Variants in TBC1D15 observed in about 807,000 individuals in gnomAD.
The protein encoded by TBC1D15 is TBC1 domain family member 15.
TBC1D15 carries 39 observed loss-of-function variants against 95.4 expected under a neutral mutation model. That is an observed-to-expected ratio of 0.41 (90% CI 0.32 to 0.53). The LOEUF is 0.53. Ranked by LOEUF, TBC1D15 falls within the 20% of genes least tolerant of loss-of-function variation. The probability of loss-of-function intolerance (pLI) is 0.29; values close to 1 mark genes in which losing one functional copy is unlikely to be tolerated. For synonymous variants in TBC1D15, 258 were observed against 261.3 expected (o/e 0.99, Z 0.12); for missense variants, 733 against 794.3 (o/e 0.92, Z 0.93).
rs145594427 is a variant in TBC1D15 at position 71,894,842 on chromosome 12, A to G, written c.814A>G (p.Ile272Val). The G allele has an allele frequency of 4.3e-6, 7 of 1,613,088 alleles. No homozygotes were observed. The highest frequency in any genetic ancestry group is 1.1e-5 in the South Asian group (1 of 91,044). ...FLSDAIPGLKINQQEEPGFEV... is the reference protein window; with the variant it reads ...FLSDAIPGLKVNQQEEPGFEV... ...TAGTGATGCTATTCCAGGTCTAAAG[A>G]TAAATCAACAAGAAGAACCAGGATT... The change falls in exon 7 of 17, where the codon ATA becomes GTA. Residue 272 changes from isoleucine (I) to valine (V), a missense_variant. Physicochemically the swap from Ile to Val is conservative, Grantham distance 29. Coordinates refer to ENST00000485960, the MANE Select transcript of TBC1D15 (RefSeq NM_001146213.3).
At chr12:71,892,231 C>T (rs1897308269) in intron 5 of TBC1D15, among the ~76,000 whole-genome samples, 1 of 150,826 alleles carries the variant, frequency 6.6e-6, no homozygotes, top group South Asian at 2.1e-4. Context: ...ATTGTATATG[C>T]AGATCGAGTG....
chr12:71,922,863 A>G, intron 16 of TBC1D15, 120 bp from the exon 17 acceptor site: 5 of 938,924 alleles, frequency 5.3e-6, no homozygotes, highest in Non-Finnish European at 8.2e-6. Context: ...CATGACATTT[A>G]CACTGTTAGG....
chr12:71,910,030 A>G (rs968102354), intron 11 of TBC1D15, among the ~76,000 whole-genome samples: 2 of 152,040 alleles, frequency 1.3e-5, no homozygotes, highest in Non-Finnish European at 2.9e-5. Flanking sequence ...TCTTGAATTA[A>G]TTTTTGTATA....
intron 7 of TBC1D15, 93 bp downstream of exon 7, chr12:71,894,976 C>T (rs1424820012): frequency 1.6e-6 from 2 of 1,221,372 alleles, no homozygotes; most frequent in Non-Finnish European, 2.3e-6. Flanking sequence ...ATATCTGCTT[C>T]TTTCCATAAT....
At chr12:71,921,687 T>C (rs1209708497) in intron 16 of TBC1D15, among the ~76,000 whole-genome samples, 1 of 152,120 alleles carries the variant, frequency 6.6e-6, no homozygotes, top group Non-Finnish European at 1.5e-5. Context: ...GTAATGAAAA[T>C]ATTTCTATAA....
intron 1 of TBC1D15, among the ~76,000 whole-genome samples, chr12:71,853,427 C>T (rs116619458): frequency 0.013 from 2,045 of 152,310 alleles, 29 homozygotes; most frequent in African/African-American, 0.032. Context: ...TCCCAGAGTG[C>T]TGGGATTACA....
intron 1 of TBC1D15, chr12:71,849,861 C>G (rs942027416): frequency 7.0e-6 from 4 of 570,666 alleles, no homozygotes; most frequent in African/African-American, 3.8e-5. Context: ...GAGTTTGCTT[C>G]TGTCTATAGA....
At chr12:71,896,101 TGTC>T (rs766165734) in intron 8 of TBC1D15, 26 bp downstream of exon 8, 1 of 1,579,238 alleles carries the variant, frequency 6.3e-7, no homozygotes, top group Non-Finnish European at 8.6e-7. Context: ...TAATATGGCT[TGTC>T]TTATAAACTC....
At chr12:71,916,681 A>G (rs1214122122) in intron 12 of TBC1D15, among the ~76,000 whole-genome samples, 1 of 152,186 alleles carries the variant, frequency 6.6e-6, no homozygotes, top group Non-Finnish European at 1.5e-5. Context: ...GTTACCACAG[A>G]GGGATCGGGA....
rs764598218 is a variant in TBC1D15 at position 71,907,045 on chromosome 12, C to A, written c.1207C>A (p.Arg403=). 2 of 1,609,404 alleles carry A rather than the reference C, an allele frequency of 1.2e-6. No homozygotes were observed. Among genetic ancestry groups the A allele is most frequent in the South Asian group, 1.1e-5 (1 of 90,086 alleles). Residue 403 remains arginine (R), a synonymous_variant, in exon 11 of 17, where the codon CGA becomes AGA. Coordinates refer to ENST00000485960, the MANE Select transcript of TBC1D15 (RefSeq NM_001146213.3). ...LIEKDVNRTD[R]TNKFYEGQDN... is the part of the protein sequence containing the mutation. Reference sequence around the variant, plus strand: ...AGAAAAAGATGTTAACAGAACAGATCGAACAAACAAGTTTTATGAAGGCCA... The same window carrying A: ...AGAAAAAGATGTTAACAGAACAGATAGAACAAACAAGTTTTATGAAGGCCA...
At chr12:71,908,319 C>T (rs950566205) in intron 11 of TBC1D15, among the ~76,000 whole-genome samples, 1 of 152,160 alleles carries the variant, frequency 6.6e-6, no homozygotes, top group Admixed American at 6.6e-5. Context: ...CTTGTCTAAC[C>T]ATCAACCTTT....
At chr12:71,878,821 G>A (rs534341344) in intron 3 of TBC1D15, among the ~76,000 whole-genome samples, 1 of 150,342 alleles carries the variant, frequency 6.7e-6, no homozygotes, top group Non-Finnish European at 1.5e-5. Flanking sequence ...CTGGCCTGAG[G>A]GTTGATTTAA....
In TBC1D15 at chr12:71,921,359, A is replaced by G. The variant is rs1013901908; in HGVS notation, c.1717-9A>G. ...TTCGATATCATTTTATTTTGTTGATACTTTTTAGCATATCAATGAATTGTC... is the reference window on the plus strand; with the variant it reads ...TTCGATATCATTTTATTTTGTTGATGCTTTTTAGCATATCAATGAATTGTC... On this transcript the variant is annotated splice_polypyrimidine_tract_variant and intron_variant, in intron 15 of 16. Coordinates refer to ENST00000485960, the MANE Select transcript of TBC1D15 (RefSeq NM_001146213.3). 1 of 1,510,110 alleles carries G rather than the reference A, an allele frequency of 6.6e-7. No homozygotes were observed. Among genetic ancestry groups the G allele is most frequent in the Non-Finnish European group, 9.0e-7 (1 of 1,112,260 alleles). 93.5% of individuals were successfully genotyped at this position (1,510,110 alleles called of 1,614,324 possible). A position where few individuals can be genotyped will look rare whatever the true frequency, so the allele number is the denominator to read the frequency against.
At position 71,894,680 on chromosome 12, in the gene TBC1D15, G is replaced by T; in HGVS notation, c.658-6G>T. 6.2e-7 allele frequency: 1 copy of T among 1,607,416 alleles called. No individual in the cohort carries two copies. Among genetic ancestry groups the T allele is most frequent in the Non-Finnish European group, 8.5e-7 (1 of 1,177,026 alleles). On this transcript the variant is annotated splice_region_variant and splice_polypyrimidine_tract_variant and intron_variant, in intron 6 of 16. Transcript: ENST00000485960. ...TAATGCTAATATTTTTCTTCCTACT[G>T]CATAGAAAATTAAAAAGGACCCTTA...
At chr12:71,876,681 AT>A (rs1353534955) in intron 3 of TBC1D15, among the ~76,000 whole-genome samples, 5 of 151,554 alleles carry the variant, frequency 3.3e-5, no homozygotes, top group Non-Finnish European at 7.4e-5. Flanking sequence ...GAACAAAAAC[AT>A]TTCTTTTTTT....
Position 71,858,493 on chromosome 12 carries a change from T to TTC in TBC1D15, c.31-13576_31-13575insCT, listed in dbSNP as rs200597945. On this transcript the variant is annotated intron_variant, in intron 1 of 16. Coordinates refer to ENST00000485960, the MANE Select transcript of TBC1D15 (RefSeq NM_001146213.3). The stretch of plus-strand genomic sequence containing the variant: ...TTCTTTGACATGCTGATTTTCTTTT[T>TTC]TTTTTTTTGAAATATAGTCAAAAGT... Among the ~76,000 whole-genome samples, 857 of 151,894 alleles carry TTC rather than the reference T, an allele frequency of 5.6e-3. 10 individuals carry two copies. The highest frequency in any genetic ancestry group is 0.049 in the South Asian group (234 of 4,816).
chr12:71,917,630 G>A lies in TBC1D15; in HGVS notation c.1402-68G>A, dbSNP rs1025155678. On this transcript the variant is annotated intron_variant, in intron 12 of 16. Transcript: ENST00000485960. ...ATTTGTCCTTAGACATCATGTTTTA[G>A]TTATCAGTCATTATGTACTATAAAA... 6 of 1,044,854 alleles carry A rather than the reference G, an allele frequency of 5.7e-6. No individual in the cohort carries two copies. In the Admixed American group the frequency reaches 1.2e-4, roughly 21 times the overall value. The allele number at this position is 1,044,854 out of a possible 1,614,324, so 64.7% of individuals were successfully genotyped here. A position where few individuals can be genotyped will look rare whatever the true frequency, so the allele number is the denominator to read the frequency against.
In TBC1D15 at chr12:71,880,581, T is replaced by G; in HGVS notation, c.317T>G (p.Phe106Cys). The change falls in exon 4 of 17, where the codon TTT becomes TGT. Residue 106 changes from phenylalanine to cysteine, a missense_variant. Coordinates refer to ENST00000485960, the MANE Select transcript of TBC1D15 (RefSeq NM_001146213.3). ...TGGGACATGGTTAATACAGTTTCAT[T>G]TAAAAGGAAACCACATACCAATGGA... ...AEWDMVNTVS[F>C]KRKPHTNGDA... 1 of 1,611,118 alleles carries G rather than the reference T, an allele frequency of 6.2e-7. No individual in the cohort carries two copies. The highest frequency in any genetic ancestry group is 8.5e-7 in the Non-Finnish European group (1 of 1,178,692).
intron 10 of TBC1D15, among the ~76,000 whole-genome samples, chr12:71,899,483 C>T (rs1018366315): frequency 1.1e-4 from 16 of 152,122 alleles, no homozygotes; most frequent in African/African-American, 3.6e-4. Context: ...AGTTTTAAAG[C>T]ATTCTTTTTC....
Sources: gnomAD v4.1 joint callset for allele counts (sites outside exome capture counted in the v4.1 genomes callset) on GRCh38, gnomAD v4.1.1 for gene constraint, MANE v1.5 for transcripts, NCBI Gene and HGNC (gene_info 2026-07-23, HGNC 2026-07-21) for gene names.